The following SYAP1 variants were observed in gnomAD, a reference collection of about 807,000 sequenced individuals.
SYAP1 encodes synapse associated protein 1.
Under a neutral mutation model 29.6 loss-of-function variants are expected in SYAP1, and 3 were observed. The observed-to-expected ratio is 0.10, with a 90% confidence interval of 0.05 to 0.26. The LOEUF (loss-of-function observed/expected upper bound fraction) is 0.26. Ranked by LOEUF, SYAP1 falls within the 10% of genes least tolerant of loss-of-function variation. The pLI, the probability that SYAP1 is intolerant of heterozygous loss-of-function variation, is 1.00. For missense variants in SYAP1, 217 were observed against 264.1 expected, an observed-to-expected ratio of 0.82 and a Z score of 1.24; for synonymous variants, 102 against 102.7, an observed-to-expected ratio of 0.99 and a Z score of 0.04.
At chrX:16,736,281 C>T in intron 3 of SYAP1, 49 bp downstream of exon 3, 1 of 842,668 alleles carries the variant, frequency 1.2e-6, no homozygotes, top group South Asian at 2.1e-5. Flanking sequence ...TATTGAGCAC[C>T]TGTTATGTGC....
intron 1 of SYAP1, among the ~76,000 whole-genome samples, chrX:16,722,267 G>A (rs901648748): frequency 3.6e-5 from 4 of 111,490 alleles, no homozygotes; most frequent in African/African-American, 1.3e-4. Flanking sequence ...GGTGGCTCAC[G>A]CCTATAATCC....
chrX:16,722,974 A>G (rs1602318420), intron 1 of SYAP1, among the ~76,000 whole-genome samples: 2 of 112,794 alleles, frequency 1.8e-5, no homozygotes, highest in East Asian at 5.5e-4. Context: ...TATCTGAATC[A>G]GTCACACAGT....
Position 16,742,143 on chromosome X carries a change from G to GTTT in SYAP1, c.435+378_435+380dup, listed in dbSNP as rs144175479. Among the ~76,000 whole-genome samples the GTTT allele has an allele frequency of 5.6e-3, 235 of 41,855 alleles. 36 individuals carry two copies. In the East Asian group the frequency reaches 0.06, roughly 11 times the overall value. The allele number at this position is 41,855 out of a possible 115,157, so 36.3% of individuals were successfully genotyped here. ...ACCATGCCCAGCTAATTTTTGTGTGGTTTTTTTTTTTTTTTTTTTTTTTTT... is the reference window on the plus strand; with the variant it reads ...ACCATGCCCAGCTAATTTTTGTGTGGTTTTTTTTTTTTTTTTTTTTTTTTTTTT... On this transcript the variant is annotated intron_variant, in intron 4 of 8. Coordinates refer to ENST00000380155, the MANE Select transcript of SYAP1 (RefSeq NM_032796.4).
intron 3 of SYAP1, among the ~76,000 whole-genome samples, chrX:16,739,358 G>C: frequency 9.1e-6 from 1 of 109,837 alleles, no homozygotes; most frequent in African/African-American, 3.3e-5. Context: ...TCTTCCCTCT[G>C]ACTCAGAGCA....
intron 4 of SYAP1, among the ~76,000 whole-genome samples, chrX:16,743,137 G>A (rs1357771360): frequency 9.3e-6 from 1 of 107,816 alleles, no homozygotes; most frequent in Non-Finnish European, 1.9e-5. Flanking sequence ...AGACCAGCCT[G>A]GCCAACATGG....
intron 1 of SYAP1, among the ~76,000 whole-genome samples, chrX:16,730,969 A>G (rs1451185151): frequency 2.7e-5 from 3 of 112,683 alleles, no homozygotes; most frequent in African/African-American, 9.6e-5. Context: ...TAGCAAACCT[A>G]ATATTTGACC....
At position 16,762,715 on chromosome X, in the gene SYAP1, G is replaced by A. The variant is rs914507695; in HGVS notation, c.*2356G>A. 8.9e-6 allele frequency: 1 copy of A among 111,861 alleles called. No homozygotes were observed. The highest frequency in any genetic ancestry group is 1.9e-5 in the Non-Finnish European group (1 of 53,246). 9.2% of individuals were successfully genotyped at this position (111,861 alleles called of 1,213,427 possible). On this transcript the variant is annotated 3_prime_UTR_variant, in exon 9 of 9. Coordinates refer to ENST00000380155, the MANE Select transcript of SYAP1 (RefSeq NM_032796.4). ...GAGATTATGCCTCACTACTCAAAGA[G>A]TGTGGCTCAGGAACCAGTGTAGCTT...
intron 8 of SYAP1, among the ~76,000 whole-genome samples, chrX:16,758,643 T>G (rs1346096688): frequency 4.6e-5 from 5 of 109,812 alleles, no homozygotes; most frequent in Non-Finnish European, 9.5e-5. Context: ...GCCCCAATAG[T>G]CTTTTATATA....
At chrX:16,726,857 A>G (rs1352493535) in intron 1 of SYAP1, among the ~76,000 whole-genome samples, 1 of 111,528 alleles carries the variant, frequency 9.0e-6, no homozygotes. Flanking sequence ...CAACACATAT[A>G]AATAGGTTAC....
Position 16,763,752 on chromosome X carries a change from A to G in SYAP1, c.*3393A>G, listed in dbSNP as rs1416645318. ...GATTTAAGATGCACTATTGTAATCA[A>G]GATGATTTGCTTTAATCAAAATATT... On this transcript the variant is annotated 3_prime_UTR_variant, in exon 9 of 9. Coordinates refer to ENST00000380155, the MANE Select transcript of SYAP1 (RefSeq NM_032796.4). The G allele has an allele frequency of 8.9e-6, 1 of 112,331 alleles. No individual in the cohort carries two copies. Among genetic ancestry groups the G allele is most frequent in the Non-Finnish European group, 1.9e-5 (1 of 53,354 alleles). The allele number at this position is 112,331 out of a possible 1,213,427, so 9.3% of individuals were successfully genotyped here. A position where few individuals can be genotyped will look rare whatever the true frequency, so the allele number is the denominator to read the frequency against.
chrX:16,758,906 G>A (rs889361806), intron 8 of SYAP1, among the ~76,000 whole-genome samples: 1 of 109,753 alleles, frequency 9.1e-6, no homozygotes, highest in Non-Finnish European at 1.9e-5. Context: ...AAGACAGGCT[G>A]GGCACGGTGG....
chrX:16,744,457 A>G (rs1926549252), intron 5 of SYAP1, among the ~76,000 whole-genome samples: 2 of 112,444 alleles, frequency 1.8e-5, no homozygotes, highest in African/African-American at 6.5e-5. Flanking sequence ...TTATTCTGTC[A>G]TTGTTCCCTT....
intron 8 of SYAP1, among the ~76,000 whole-genome samples, chrX:16,758,587 C>T (rs1316068377): frequency 1.8e-5 from 2 of 110,631 alleles, no homozygotes; most frequent in South Asian, 3.9e-4. Context: ...CTGTCTGCCT[C>T]GGCCTCCCAA....
rs1926814727 is a variant in SYAP1, at chrX:16,755,110, A to G, written c.724+17A>G. 2 of 1,205,863 alleles carry G rather than the reference A, an allele frequency of 1.7e-6. No individual in the cohort carries two copies. Among genetic ancestry groups the G allele is most frequent in the Non-Finnish European group, 2.2e-6 (2 of 891,960 alleles). On this transcript the variant is annotated intron_variant, in intron 6 of 8. Transcript: ENST00000380155. ...CGCTGGCAGGTATATTCTGGGTAGA[A>G]GACAGCACTCTACAGAAAAAGTTGT...
chrX:16,755,173 C>A, intron 6 of SYAP1, 80 bp downstream of exon 6: 1 of 992,096 alleles, frequency 1.0e-6, no homozygotes, highest in Non-Finnish European at 1.4e-6. Flanking sequence ...CTTATACGTA[C>A]CAGAAATGTC....
At position 16,757,323 on chromosome X, in the gene SYAP1, C is replaced by T. The variant is rs1407806257; in HGVS notation, c.931+14C>T. The T allele has an allele frequency of 8.4e-7, 1 of 1,185,023 alleles. No individual in the cohort carries two copies. Among genetic ancestry groups the T allele is most frequent in the Non-Finnish European group, 1.1e-6 (1 of 883,244 alleles). ...CCGTACTGGAAGGTAAAAAACAAAA[C>T]AAATCAAAGCAAAGAAACTATTCGT... On this transcript the variant is annotated intron_variant, in intron 8 of 8. Transcript: ENST00000380155.
intron 1 of SYAP1, among the ~76,000 whole-genome samples, chrX:16,728,438 A>C (rs1009624267): frequency 5.4e-5 from 6 of 110,860 alleles, no homozygotes; most frequent in African/African-American, 2.0e-4. Flanking sequence ...AGGCCAAGGC[A>C]GGTGGATCAC....
rs955947802 is a variant in SYAP1, at chrX:16,761,852, T to C, written c.*1493T>C. On this transcript the variant is annotated 3_prime_UTR_variant, in exon 9 of 9. Coordinates refer to ENST00000380155, the MANE Select transcript of SYAP1 (RefSeq NM_032796.4). ...AAGAAAAATATACATATTTGTGTTC[T>C]TGGCCCCATTAAAACTAGTCAGTAG... The C allele has an allele frequency of 2.7e-5, 3 of 112,537 alleles. No homozygotes were observed. The highest frequency in any genetic ancestry group is 5.6e-5 in the Non-Finnish European group (3 of 53,373). 9.3% of individuals were successfully genotyped at this position (112,537 alleles called of 1,213,427 possible).
rs1043169056 is a variant in SYAP1, at chrX:16,732,508, G to A, written c.176-2719G>A. Among the ~76,000 whole-genome samples the A allele has an allele frequency of 5.5e-5, 6 of 109,722 alleles. No individual in the cohort carries two copies. The South Asian group carries it at 1.9e-3, about 36-fold the overall frequency. On this transcript the variant is annotated intron_variant, in intron 1 of 8. Coordinates refer to ENST00000380155, the MANE Select transcript of SYAP1 (RefSeq NM_032796.4). Reference sequence around the variant, plus strand: ...AGGATGGTCTCGATCTCCTGACCTCGTGATCTGCCCGCCTCGGCCTCCCAA... The same window carrying A: ...AGGATGGTCTCGATCTCCTGACCTCATGATCTGCCCGCCTCGGCCTCCCAA...
Sources: gnomAD v4.1 joint callset for allele counts (sites outside exome capture counted in the v4.1 genomes callset) on GRCh38, gnomAD v4.1.1 for gene constraint, MANE v1.5 for transcripts, NCBI Gene and HGNC (gene_info 2026-07-23, HGNC 2026-07-21) for gene names.